CARS1: variants seen among roughly 807,000 people sequenced by gnomAD.
CARS1 encodes cysteine--tRNA ligase, cytoplasmic.
CARS1 carries 48 observed loss-of-function variants against 106.2 expected under a neutral mutation model. That is an observed-to-expected ratio of 0.45 (90% CI 0.36 to 0.57). CARS1 has a LOEUF of 0.57. CARS1 is among the 20% of genes least tolerant of loss of function. CARS1 has a pLI of 0.00. For missense variants in CARS1, 968 were observed against 1,057.2 expected, an observed-to-expected ratio of 0.92 and a Z score of 1.17; for synonymous variants, 409 against 403.4, an observed-to-expected ratio of 1.01 and a Z score of -0.17.
chr11:3,011,523 A>C (rs11025044), intron 18 of CARS1, among the ~76,000 whole-genome samples: 1 of 151,852 alleles, frequency 6.6e-6, no homozygotes, highest in Non-Finnish European at 1.5e-5. Context: ...CTGAGGCAGA[A>C]GAATGGCGTG....
chr11:3,007,141 G>A (rs1032737431), intron 18 of CARS1, 182 bp from the exon 19 acceptor site: 5 of 601,950 alleles, frequency 8.3e-6, no homozygotes, highest in Non-Finnish European at 1.5e-5. Flanking sequence ...TGGGAGGGAG[G>A]GCCCAGCAGC....
At chr11:3,007,109 A>G in intron 18 of CARS1, 150 bp from the exon 19 acceptor site, 2 of 650,624 alleles carry the variant, frequency 3.1e-6, no homozygotes, top group Non-Finnish European at 5.5e-6. Context: ...CGGCCCACAG[A>G]ACGAGTACCT....
chr11:3,020,105 CT>C lies in CARS1; in HGVS notation c.1266+114del, dbSNP rs1851435249. ...GCCTGTGCTGCACCAGCACCAGGCT[CT>C]GGCCCAGTGACAACATCCTTCACAC... On this transcript the variant is annotated intron_variant, in intron 11 of 22. Transcript: ENST00000380525. This position sits in a 1 kb window ranked among gnomAD's most constrained non-coding sequence, Gnocchi z 4.6. 1.4e-6 allele frequency: 1 copy of C among 720,394 alleles called. No homozygotes were observed. The highest frequency in any genetic ancestry group is 2.5e-5 in the East Asian group (1 of 39,898). 44.6% of individuals were successfully genotyped at this position (720,394 alleles called of 1,614,324 possible).
At chr11:3,006,690 G>A (rs1250254103) in intron 19 of CARS1, among the ~76,000 whole-genome samples, 189 bp downstream of exon 19, 1 of 152,206 alleles carries the variant, frequency 6.6e-6, no homozygotes, top group African/African-American at 2.4e-5. Context: ...AAGGAGCTAC[G>A]GGGTGCTCCC....
chr11:3,033,145 T>A (rs1319312071), intron 7 of CARS1, among the ~76,000 whole-genome samples: 1 of 152,106 alleles, frequency 6.6e-6, no homozygotes, highest in African/African-American at 2.4e-5. Flanking sequence ...TTTGTTTTTT[T>A]AAGAAACTGT....
At chr11:3,014,874 CTT>C (rs1052859562) in intron 17 of CARS1, among the ~76,000 whole-genome samples, 1 of 152,256 alleles carries the variant, frequency 6.6e-6, no homozygotes, top group Non-Finnish European at 1.5e-5. Flanking sequence ...CTTCACACCA[CTT>C]GTCATTAGGA....
rs2134281245 is a variant in CARS1, at chr11:3,045,478, A to G, written c.274+2275T>C. 6.6e-6 allele frequency among the ~76,000 whole-genome samples: 1 copy of G among 151,808 alleles called. No individual in the cohort carries two copies. The highest frequency in any genetic ancestry group is 2.1e-4 in the South Asian group (1 of 4,822). On this transcript the variant is annotated intron_variant, in intron 2 of 22. Coordinates refer to ENST00000380525, the MANE Select transcript of CARS1 (RefSeq NM_001014437.3). The surrounding 1 kb of genome is among the most constrained non-coding windows in gnomAD (Gnocchi z 5.6). The stretch of plus-strand genomic sequence containing the variant: ...ACAGGTTGTCACCGACTTAGCGAGC[A>G]TGGTCTCAATCTCCTGACCTCGTGA...
rs1855614956 is a variant in CARS1 at position 3,050,906 on chromosome 11, A to T, written c.26-2905T>A. Reference sequence around the variant, plus strand: ...CGTGCCCGCATTTCTTTCCTTCACCATCTGCCCCACCGCTCCATCTACCTT... The same window carrying T: ...CGTGCCCGCATTTCTTTCCTTCACCTTCTGCCCCACCGCTCCATCTACCTT... On this transcript the variant is annotated intron_variant, in intron 1 of 22. Coordinates refer to ENST00000380525, the MANE Select transcript of CARS1 (RefSeq NM_001014437.3). This position sits in a 1 kb window ranked among gnomAD's most constrained non-coding sequence, Gnocchi z 6.3. 6.6e-6 allele frequency among the ~76,000 whole-genome samples: 1 copy of T among 152,102 alleles called. No homozygotes were observed. The highest frequency in any genetic ancestry group is 1.5e-5 in the Non-Finnish European group (1 of 68,024).
chr11:3,051,438 G>A (rs4758461), intron 1 of CARS1, among the ~76,000 whole-genome samples: 141,057 of 152,186 alleles, frequency 0.93, 65,432 homozygotes, highest in African/African-American at 0.96. Context: ...TCTCCTCCCA[G>A]CTGGAGATGA....
At chr11:3,031,528 G>A (rs1243159884) in intron 7 of CARS1, 3 of 152,200 alleles carry the variant, frequency 2.0e-5, no homozygotes, top group Non-Finnish European at 2.9e-5. Flanking sequence ...CTGCTTTCCA[G>A]TTTCACATAA....
At chr11:3,042,392 A>G (rs1854581204) in intron 2 of CARS1, 136 bp from the exon 3 acceptor site, 2 of 614,922 alleles carry the variant, frequency 3.3e-6, no homozygotes, top group South Asian at 2.0e-5. Context: ...AACCACACGA[A>G]TCTCGGTCAA....
Position 3,040,475 on chromosome 11 carries a change from T to C in CARS1, c.455+421A>G. On this transcript the variant is annotated intron_variant, in intron 4 of 22. Coordinates refer to ENST00000380525, the MANE Select transcript of CARS1 (RefSeq NM_001014437.3). This position sits in a 1 kb window ranked among gnomAD's most constrained non-coding sequence, Gnocchi z 5.8. ...CAACAGCCAGCTACTCGTCAGGAGC[T>C]ACAGCCATGACCATCCAGTGGTCGG... 2.1e-6 allele frequency: 1 copy of C among 466,334 alleles called. No individual in the cohort carries two copies. The highest frequency in any genetic ancestry group is 4.3e-6 in the Non-Finnish European group (1 of 234,972). The allele number at this position is 466,334 out of a possible 1,614,324, so 28.9% of individuals were successfully genotyped here.
At chr11:3,015,726 G>T (rs932918704) in intron 17 of CARS1, 55 bp downstream of exon 17, 197 of 1,455,250 alleles carry the variant, frequency 1.4e-4, no homozygotes, top group Non-Finnish European at 1.8e-4. Flanking sequence ...GACACAGAGG[G>T]GTAGGGAGTG....
At position 3,003,476 on chromosome 11, in the gene CARS1, C is replaced by A. The variant is rs1849582443; in HGVS notation, c.2218-876G>T. On this transcript the variant is annotated intron_variant, in intron 20 of 22. Coordinates refer to ENST00000380525, the MANE Select transcript of CARS1 (RefSeq NM_001014437.3). The surrounding 1 kb of genome is among the most constrained non-coding windows in gnomAD (Gnocchi z 4.8). ...TGGAGCTATCAGGTAGGCAGCTGGGCAAACTGTTTTTGGGCCACCGGCTAC... is the reference window on the plus strand; with the variant it reads ...TGGAGCTATCAGGTAGGCAGCTGGGAAAACTGTTTTTGGGCCACCGGCTAC... Among the ~76,000 whole-genome samples the A allele has an allele frequency of 6.6e-6, 1 of 152,112 alleles. No individual in the cohort carries two copies. The highest frequency in any genetic ancestry group is 1.5e-5 in the Non-Finnish European group (1 of 68,020).
rs1391398322 is a variant in CARS1 at position 3,008,039 on chromosome 11, G to A, written c.2069-1080C>T. ...GCTGCTCTCCAAGTGACAACTTTCTGCTCTGAAATCTGACCTTGGGTTTGC... is the reference window on the plus strand; with the variant it reads ...GCTGCTCTCCAAGTGACAACTTTCTACTCTGAAATCTGACCTTGGGTTTGC... On this transcript the variant is annotated intron_variant, in intron 18 of 22. Coordinates refer to ENST00000380525, the MANE Select transcript of CARS1 (RefSeq NM_001014437.3). The surrounding 1 kb of genome is among the most constrained non-coding windows in gnomAD (Gnocchi z 5.1). 4 of 152,276 alleles carry A rather than the reference G, an allele frequency of 2.6e-5. No homozygotes were observed. Among genetic ancestry groups the A allele is most frequent in the Non-Finnish European group, 1.5e-5 (1 of 68,088 alleles). 9.4% of individuals were successfully genotyped at this position (152,276 alleles called of 1,614,324 possible). A position where few individuals can be genotyped will look rare whatever the true frequency, so the allele number is the denominator to read the frequency against.
rs1453542728 is a variant in CARS1 at position 3,043,200 on chromosome 11, C to T, written c.275-944G>A. 6.6e-6 allele frequency among the ~76,000 whole-genome samples: 1 copy of T among 152,128 alleles called. No homozygotes were observed. The highest frequency in any genetic ancestry group is 1.9e-4 in the East Asian group (1 of 5,176). Reference sequence around the variant, plus strand: ...CACTGCTTCCAGGCCTGGCTTCCAACCTGGCACAAGGCTGTCCTTACACAA... The same window carrying T: ...CACTGCTTCCAGGCCTGGCTTCCAATCTGGCACAAGGCTGTCCTTACACAA... On this transcript the variant is annotated intron_variant, in intron 2 of 22. Coordinates refer to ENST00000380525, the MANE Select transcript of CARS1 (RefSeq NM_001014437.3). This position sits in a 1 kb window ranked among gnomAD's most constrained non-coding sequence, Gnocchi z 4.0.
At position 3,029,354 on chromosome 11, in the gene CARS1, C is replaced by T. The variant is rs759088637; in HGVS notation, c.891G>A (p.Lys297=). ...AGTCCCCCTCCCAGAACTTGGGCAGCTTGGAGAAGATGGAATTGTCAGTGA... is the reference window on the plus strand; with the variant it reads ...AGTCCCCCTCCCAGAACTTGGGCAGTTTGGAGAAGATGGAATTGTCAGTGA... The part of the protein sequence containing the change: ...CDVTDNSIFS[K]LPKFWEGDFH... The change falls in exon 8 of 23, where the codon AAG becomes AAA. Residue 297 remains lysine, a synonymous_variant. Coordinates refer to ENST00000380525, the MANE Select transcript of CARS1 (RefSeq NM_001014437.3). The surrounding 1 kb of genome is among the most constrained non-coding windows in gnomAD (Gnocchi z 5.9). 1.1e-4 allele frequency: 179 copies of T among 1,613,992 alleles called. No homozygotes were observed. Among genetic ancestry groups the T allele is most frequent in the Middle Eastern group, 1.6e-4 (1 of 6,084 alleles).
In CARS1 at chr11:3,054,788, T is replaced by A. The variant is rs7934892; in HGVS notation, c.25+2555A>T. The A allele has an allele frequency of 2.0e-5, 14 of 685,866 alleles. No homozygotes were observed. In the African/African-American group the frequency reaches 2.5e-4, roughly 12 times the overall value. 42.5% of individuals were successfully genotyped at this position (685,866 alleles called of 1,614,324 possible). A position where few individuals can be genotyped will look rare whatever the true frequency, so the allele number is the denominator to read the frequency against. Reference sequence around the variant, plus strand: ...GATGCAAAGCATTTAGAGCAGTGCCTGGCACAGACTCATGCTGAAAAAATG... The same window carrying A: ...GATGCAAAGCATTTAGAGCAGTGCCAGGCACAGACTCATGCTGAAAAAATG... On this transcript the variant is annotated intron_variant, in intron 1 of 22. Transcript: ENST00000380525.
chr11:3,022,228 T>C lies in CARS1; in HGVS notation c.1154-1896A>G, dbSNP rs1851632841. 6.6e-6 allele frequency among the ~76,000 whole-genome samples: 1 copy of C among 152,214 alleles called. No individual in the cohort carries two copies. Among genetic ancestry groups the C allele is most frequent in the Non-Finnish European group, 1.5e-5 (1 of 68,032 alleles). On this transcript the variant is annotated intron_variant, in intron 10 of 22. Coordinates refer to ENST00000380525, the MANE Select transcript of CARS1 (RefSeq NM_001014437.3). The surrounding 1 kb of genome is among the most constrained non-coding windows in gnomAD (Gnocchi z 4.9). Reference sequence around the variant, plus strand: ...TAGAATCTCTAACCCTGGACCTTTTTACCAAGAACTGCTTAAGGTATTTTT... The same window carrying C: ...TAGAATCTCTAACCCTGGACCTTTTCACCAAGAACTGCTTAAGGTATTTTT...
Sources: allele counts gnomAD v4.1 joint callset (sites outside exome capture counted in the v4.1 genomes callset), GRCh38; gene constraint gnomAD v4.1.1; non-coding constraint Gnocchi (gnomAD v3.1); transcripts MANE v1.5; gene names NCBI Gene and HGNC (gene_info 2026-07-23, HGNC 2026-07-21).